Variants in ZNF33B observed in about 807,000 individuals in gnomAD.
ZNF33B encodes zinc finger protein 33B.
Under a neutral mutation model 45.8 loss-of-function variants are expected in ZNF33B, and 29 were observed. The observed-to-expected ratio is 0.63, with a 90% confidence interval of 0.47 to 0.86. The LOEUF is 0.86. Among genes scored for constraint, ZNF33B ranks in the 40% least tolerant of loss-of-function variants. The pLI, the probability that ZNF33B is intolerant of heterozygous loss-of-function variation, is 0.00. For synonymous variants in ZNF33B, 305 were observed against 307.8 expected (o/e 0.99, Z 0.10); for missense variants, 831 against 909.9 (o/e 0.91, Z 1.12).
chr10:42,576,090 C>T (rs1278711071), intron 1 of ZNF33B, among the ~76,000 whole-genome samples: 2 of 152,176 alleles, frequency 1.3e-5, no homozygotes, highest in African/African-American at 4.8e-5. Context: ...AGGGTTTCAC[C>T]ATGTTGGCCA....
In ZNF33B at chr10:42,593,868, T is replaced by C. The variant is rs1837268480; in HGVS notation, c.1082A>G (p.Gln361Arg). ...CTTCTCCCAGAAAGTTTTTCCACAT[T>C]GATTACATTGAAAGTGTTTCTCTCC... ...HTGEKHFQCN[Q>R]CGKTFWEKSN... The change falls in exon 5 of 5, where the codon CAA becomes CGA. Residue 361 changes from glutamine to arginine, a missense_variant. Transcript: ENST00000359467. The C allele has an allele frequency of 1.9e-6, 3 of 1,614,104 alleles. No individual in the cohort carries two copies. The East Asian group carries it at 6.7e-5, about 36-fold the overall frequency.
At chr10:42,594,790 G>T in intron 4 of ZNF33B, 91 bp from the exon 5 acceptor site, 1 of 1,382,802 alleles carries the variant, frequency 7.2e-7, no homozygotes, top group Non-Finnish European at 9.5e-7. Flanking sequence ...TGTTGTAGCT[G>T]ACTCTGGTTT....
Position 42,590,862 on chromosome 10 carries a change from A to G in ZNF33B, c.*1751T>C. The G allele has an allele frequency of 6.6e-6, 1 of 152,242 alleles. No individual in the cohort carries two copies. The allele number at this position is 152,242 out of a possible 1,614,324, so 9.4% of individuals were successfully genotyped here. On this transcript the variant is annotated 3_prime_UTR_variant, in exon 5 of 5. Coordinates refer to ENST00000359467, the MANE Select transcript of ZNF33B (RefSeq NM_006955.3). Reference sequence around the variant, plus strand: ...TTTATCAATTTTACCCACCTTTTCAAAGAACAGTTTTGGGTTTTATTGATT... The same window carrying G: ...TTTATCAATTTTACCCACCTTTTCAGAGAACAGTTTTGGGTTTTATTGATT...
Position 42,594,180 on chromosome 10 carries a change from C to T in ZNF33B, c.770G>A (p.Cys257Tyr). The T allele has an allele frequency of 2.5e-6, 4 of 1,613,740 alleles. No individual in the cohort carries two copies. Among genetic ancestry groups the T allele is most frequent in the African/African-American group, 1.3e-5 (1 of 75,032 alleles). ...ATGGAACAAGAGGGATGAACTATCA[C>T]AGAAAGTTCTCCCAAATTCATTATA... The part of the protein sequence containing the change: ...CDYNEFGRTF[C>Y]DSSSLLFHQI... Residue 257 changes from cysteine to tyrosine, a missense_variant, in exon 5 of 5, where the codon TGT becomes TAT. Transcript: ENST00000359467.
chr10:42,607,231 T>G (rs1483384569), intron 4 of ZNF33B, among the ~76,000 whole-genome samples: 1 of 152,148 alleles, frequency 6.6e-6, no homozygotes, highest in Non-Finnish European at 1.5e-5. Context: ...TAAGATTTAT[T>G]AGGTAAGTTC....
At chr10:42,587,917 GCAGGTACTACCCCTC>G (rs896348770), downstream of ZNF33B, among the ~76,000 whole-genome samples, 12 of 152,210 alleles carry the variant, frequency 7.9e-5, no homozygotes, top group African/African-American at 2.9e-4. Context: ...AGCACAGGGT[GCAGGTACTACCCCTC>G]CTGAATGCCT....
chr10:42,618,408 TG>T (rs1838424945), intron 4 of ZNF33B, among the ~76,000 whole-genome samples: 1 of 152,254 alleles, frequency 6.6e-6, no homozygotes, highest in South Asian at 2.1e-4. Context: ...ATTTTTTTGA[TG>T]GAACATTAAG....
At chr10:42,574,918 G>T (rs1471696732) in intron 1 of ZNF33B, among the ~76,000 whole-genome samples, 1 of 152,184 alleles carries the variant, frequency 6.6e-6, no homozygotes, top group Non-Finnish European at 1.5e-5. Context: ...AAAGGGAAAA[G>T]TGGTGCTGAG....
rs772478223 is a variant in ZNF33B at position 42,592,864 on chromosome 10, T to C, written c.2086A>G (p.Asn696Asp). The C allele has an allele frequency of 1.2e-6, 2 of 1,614,048 alleles. No homozygotes were observed. Among genetic ancestry groups the C allele is most frequent in the Admixed American group, 1.7e-5 (1 of 60,030 alleles). ...TGACTGAAGGATTTCCCACATTCATTGCATTCATAGGGTTTCTCCCCCGTG... is the reference window on the plus strand; with the variant it reads ...TGACTGAAGGATTTCCCACATTCATCGCATTCATAGGGTTTCTCCCCCGTG... ...KHTGEKPYEC[N>D]ECGKSFSHKS... The change falls in exon 5 of 5, where the codon AAT becomes GAT. Residue 696 changes from asparagine (N) to aspartate (D), a missense_variant. Coordinates refer to ENST00000359467, the MANE Select transcript of ZNF33B (RefSeq NM_006955.3).
intron 4 of ZNF33B, among the ~76,000 whole-genome samples, chr10:42,596,901 C>T (rs1837423089): frequency 6.6e-6 from 1 of 151,614 alleles, no homozygotes; most frequent in Admixed American, 6.6e-5. Context: ...TACTTCTTTT[C>T]CACTCTAGTC....
intron 1 of ZNF33B, among the ~76,000 whole-genome samples, chr10:42,575,481 A>G (rs1453793761): frequency 1.3e-5 from 2 of 151,980 alleles, no homozygotes; most frequent in Admixed American, 6.6e-5. Context: ...TTAACCCCCC[A>G]GTTTATGGTC....
intron 2 of ZNF33B, among the ~76,000 whole-genome samples, chr10:42,635,197 C>A (rs1345495752): frequency 2.7e-5 from 4 of 150,626 alleles, no homozygotes; most frequent in African/African-American, 9.8e-5. Context: ...GCCAAGATCG[C>A]ACCACTGCAC....
Position 42,631,977 on chromosome 10 carries a change from C to T in ZNF33B, c.202G>A (p.Glu68Lys). 1.2e-6 allele frequency: 2 copies of T among 1,614,166 alleles called. No homozygotes were observed. Among genetic ancestry groups the T allele is most frequent in the South Asian group, 2.2e-5 (2 of 91,078 alleles). The change falls in exon 4 of 5, where the codon GAA becomes AAA. Residue 68 changes from glutamate (E) to lysine (K), a missense_variant. Transcript: ENST00000359467. ...TCTTCCTCCAGTCTCCATGGTTCTT[C>T]TCCTTGTTCCAGCCTGAAGATCACC... The part of the protein sequence containing the change: ...PEVIFRLEQG[E>K]EPWRLEEEFP...
At chr10:42,634,346 G>A (rs757994494) in intron 2 of ZNF33B, among the ~76,000 whole-genome samples, 8 of 152,050 alleles carry the variant, frequency 5.3e-5, no homozygotes, top group Non-Finnish European at 7.4e-5. Context: ...GGTGGAGGTT[G>A]CAGTGAGCTA....
intron 1 of ZNF33B, among the ~76,000 whole-genome samples, chr10:42,577,645 T>C (rs1836767203): frequency 6.6e-6 from 1 of 152,136 alleles, no homozygotes; most frequent in Non-Finnish European, 1.5e-5. Flanking sequence ...TCAGGTGAAT[T>C]TGTCCTCCCC....
At chr10:42,615,828 G>A (rs1461364830) in intron 4 of ZNF33B, among the ~76,000 whole-genome samples, 2 of 152,046 alleles carry the variant, frequency 1.3e-5, no homozygotes, top group Non-Finnish European at 2.9e-5. Context: ...GGGAGGCTGT[G>A]GCAGGAGAAT....
intron 4 of ZNF33B, 68 bp from the exon 5 acceptor site, chr10:42,594,767 C>A: frequency 1.3e-6 from 2 of 1,482,376 alleles, no homozygotes; most frequent in Admixed American, 2.5e-5. Flanking sequence ...GAAATCTCTA[C>A]ACAAATGCCC....
chr10:42,600,700 G>A (rs941966462), intron 4 of ZNF33B, among the ~76,000 whole-genome samples: 1 of 152,018 alleles, frequency 6.6e-6, no homozygotes, highest in Non-Finnish European at 1.5e-5. Context: ...TTTAATCAGT[G>A]TACTTTTCAG....
chr10:42,585,068 G>T (rs1300022540), downstream of ZNF33B, among the ~76,000 whole-genome samples: 3 of 152,172 alleles, frequency 2.0e-5, no homozygotes, highest in African/African-American at 4.8e-5. Flanking sequence ...TAAACAAGGG[G>T]AGACACCATG....
Sources: gnomAD v4.1 joint callset for allele counts (sites outside exome capture counted in the v4.1 genomes callset) on GRCh38, gnomAD v4.1.1 for gene constraint, MANE v1.5 for transcripts, NCBI Gene and HGNC (gene_info 2026-07-23, HGNC 2026-07-21) for gene names.